The following SDK2 variants were observed in gnomAD, a reference collection of about 807,000 sequenced individuals.
The protein encoded by SDK2 is protein sidekick-2.
SDK2 carries 105 observed loss-of-function variants against 253.9 expected under a neutral mutation model. That is an observed-to-expected ratio of 0.41 (90% CI 0.35 to 0.49). The LOEUF is 0.49. Among genes scored for constraint, SDK2 ranks in the 20% least tolerant of loss-of-function variants. The pLI is 0.06. For missense variants in SDK2, 2,608 were observed against 3,003.0 expected (o/e 0.87, Z 3.07); for synonymous variants, 1,249 against 1,234.9 (o/e 1.01, Z -0.24).
intron 2 of SDK2, among the ~76,000 whole-genome samples, chr17:73,497,376 C>G (rs981209844): frequency 6.6e-6 from 1 of 152,170 alleles, no homozygotes; most frequent in Non-Finnish European, 1.5e-5. Context: ...CTGGTGGGAC[C>G]ACAGAGCCCT....
chr17:73,542,929 G>A (rs1390359848), intron 1 of SDK2, among the ~76,000 whole-genome samples: 1 of 152,188 alleles, frequency 6.6e-6, no homozygotes, highest in Non-Finnish European at 1.5e-5. Flanking sequence ...CCCTCCCCTA[G>A]GCCCTGGAGA....
chr17:73,362,406 A>AT (rs35982157), intron 38 of SDK2, among the ~76,000 whole-genome samples: 3,090 of 141,722 alleles, frequency 0.022, 91 homozygotes, highest in African/African-American at 0.061. Flanking sequence ...ATCTGCCACA[A>AT]TTTTTTTTTT....
At chr17:73,527,096 G>A (rs945599252) in intron 1 of SDK2, among the ~76,000 whole-genome samples, 7 of 152,224 alleles carry the variant, frequency 4.6e-5, no homozygotes, top group Non-Finnish European at 7.3e-5. Context: ...GGAGCTAGGC[G>A]GATGGGCACT....
chr17:73,527,884 T>C (rs1229748696), intron 1 of SDK2, among the ~76,000 whole-genome samples: 1 of 152,152 alleles, frequency 6.6e-6, no homozygotes, highest in Non-Finnish European at 1.5e-5. Flanking sequence ...GGTGGCTTTT[T>C]CGCTAGGATT....
At position 73,379,100 on chromosome 17, in the gene SDK2, C is replaced by G; in HGVS notation, c.4980+77G>C. Reference sequence around the variant, plus strand: ...AGGGCCTGGGGACCTGCCTGCCTCCCACATATCACTCACTCCCCAGCCTCC... The same window carrying G: ...AGGGCCTGGGGACCTGCCTGCCTCCGACATATCACTCACTCCCCAGCCTCC... On this transcript the variant is annotated intron_variant, in intron 36 of 44. Transcript: ENST00000392650. This position sits in a 1 kb window ranked among gnomAD's most constrained non-coding sequence, Gnocchi z 4.5. 2 of 1,106,592 alleles carry G rather than the reference C, an allele frequency of 1.8e-6. No individual in the cohort carries two copies. Among genetic ancestry groups the G allele is most frequent in the Non-Finnish European group, 2.7e-6 (2 of 753,386 alleles). The allele number at this position is 1,106,592 out of a possible 1,614,324, so 68.5% of individuals were successfully genotyped here.
At chr17:73,469,124 G>T (rs1231204011) in intron 3 of SDK2, among the ~76,000 whole-genome samples, 4 of 152,134 alleles carry the variant, frequency 2.6e-5, no homozygotes, top group African/African-American at 9.7e-5. Flanking sequence ...CACCTGGCCA[G>T]ACCACTCTTT....
intron 2 of SDK2, among the ~76,000 whole-genome samples, chr17:73,505,807 C>CTCA (rs1309797499): frequency 2.0e-5 from 3 of 152,072 alleles, no homozygotes; most frequent in African/African-American, 7.2e-5. Flanking sequence ...ATAGCTGGAC[C>CTCA]TCATCATCAT....
In SDK2 at chr17:73,368,460, G is replaced by A. The variant is rs1229405715; in HGVS notation, c.5114C>T (p.Ala1705Val). Residue 1705 changes from alanine (A) to valine (V), a missense_variant, in exon 37 of 45, where the codon GCC (alanine) becomes GTC (valine). Transcript: ENST00000392650. ...AYMVSVAAFN[A>V]AGDGPRSTPT... ...GGTGCTCCGAGGCCCATCCCCAGCG[G>A]CGTTGAAGGCGGCCACGCTGACCAT... 3 of 1,606,346 alleles carry A rather than the reference G, an allele frequency of 1.9e-6. No individual in the cohort carries two copies. The highest frequency in any genetic ancestry group is 2.2e-5 in the South Asian group (2 of 89,566).
intron 5 of SDK2, among the ~76,000 whole-genome samples, chr17:73,441,943 G>A (rs375510503): frequency 7.9e-4 from 121 of 152,330 alleles, no homozygotes; most frequent in Middle Eastern, 3.4e-3. Context: ...CGGGCCTCAT[G>A]AGGGCCAATG....
chr17:73,399,434 CCA>C, intron 21 of SDK2, 145 bp from the exon 22 acceptor site: 1 of 856,084 alleles, frequency 1.2e-6, no homozygotes, highest in South Asian at 1.7e-5. Context: ...CCCACTCCAC[CCA>C]CAGTCTTTGT....
chr17:73,619,386 T>C (rs1164250722), intron 1 of SDK2, among the ~76,000 whole-genome samples: 1 of 152,194 alleles, frequency 6.6e-6, no homozygotes, highest in Non-Finnish European at 1.5e-5. Flanking sequence ...AGTGTGGTAC[T>C]ACCATAAGGA....
chr17:73,624,095 G>A (rs1390265650), intron 1 of SDK2, among the ~76,000 whole-genome samples: 1 of 152,220 alleles, frequency 6.6e-6, no homozygotes, highest in African/African-American at 2.4e-5. Context: ...GAGCAGGGAG[G>A]AGGACTTCCC....
intron 1 of SDK2, among the ~76,000 whole-genome samples, chr17:73,580,702 A>C (rs1253175909): frequency 1.3e-5 from 2 of 152,238 alleles, no homozygotes; most frequent in African/African-American, 2.4e-5. Context: ...AGAAGGAAAA[A>C]GGTTGGTATT....
intron 1 of SDK2, among the ~76,000 whole-genome samples, chr17:73,600,903 G>A (rs2045828874): frequency 6.6e-6 from 1 of 152,172 alleles, no homozygotes; most frequent in Non-Finnish European, 1.5e-5. Flanking sequence ...CCAGGGAACA[G>A]GAGGCAGGAT....
intron 18 of SDK2, among the ~76,000 whole-genome samples, chr17:73,407,968 A>C (rs1319116567): frequency 6.6e-6 from 1 of 151,946 alleles, no homozygotes; most frequent in Non-Finnish European, 1.5e-5. Flanking sequence ...TCAGTGGTTG[A>C]CTTCACAGTA....
intron 26 of SDK2, 121 bp downstream of exon 26, chr17:73,394,088 A>G: frequency 1.7e-6 from 1 of 583,888 alleles, no homozygotes; most frequent in Non-Finnish European, 2.8e-6. Flanking sequence ...GACGCCAGGC[A>G]GATCCCCTGT....
chr17:73,358,312 A>G, intron 39 of SDK2, 108 bp from the exon 40 acceptor site: 1 of 1,394,282 alleles, frequency 7.2e-7, no homozygotes, highest in Non-Finnish European at 9.6e-7. Flanking sequence ...AACCCTGGAC[A>G]GAGAGCCGCC....
At chr17:73,539,830 T>C (rs2044836945) in intron 1 of SDK2, among the ~76,000 whole-genome samples, 1 of 152,066 alleles carries the variant, frequency 6.6e-6, no homozygotes, top group African/African-American at 2.4e-5. Flanking sequence ...GGGAATGCCA[T>C]GTGATGACAG....
At chr17:73,348,141 C>T (rs1005584963) in intron 44 of SDK2, among the ~76,000 whole-genome samples, 2 of 152,232 alleles carry the variant, frequency 1.3e-5, no homozygotes, top group African/African-American at 2.4e-5. Flanking sequence ...TTCTCATCCT[C>T]AGGGCTCCAG....
Sources: gnomAD v4.1 joint callset for allele counts (sites outside exome capture counted in the v4.1 genomes callset) on GRCh38, gnomAD v4.1.1 for gene constraint, Gnocchi (gnomAD v3.1) non-coding constraint, MANE v1.5 for transcripts, NCBI Gene and HGNC (gene_info 2026-07-23, HGNC 2026-07-21) for gene names.